PTPN22: variants seen among roughly 807,000 people sequenced by gnomAD.
The protein encoded by PTPN22 is protein tyrosine phosphatase non-receptor type 22.
A neutral mutation model predicts 103.3 loss-of-function variants in PTPN22; 85 were observed. The observed-to-expected ratio is 0.82, with a 90% confidence interval of 0.69 to 0.99. PTPN22 has a LOEUF of 0.99. PTPN22 is among the 50% of genes least tolerant of loss of function. The pLI is 0.00. For synonymous variants in PTPN22, 323 were observed against 310.2 expected (o/e 1.04, Z -0.43); for missense variants, 865 against 936.9 (o/e 0.92, Z 1.00).
At chr1:113,855,718 C>T (rs182161880) in intron 7 of PTPN22, among the ~76,000 whole-genome samples, 125 of 152,244 alleles carry the variant, frequency 8.2e-4, no homozygotes, top group Non-Finnish European at 1.5e-3. Flanking sequence ...GATTTCAGGT[C>T]ACTTACTATT....
chr1:113,854,853 C>A lies in PTPN22; in HGVS notation c.683+54G>T. On this transcript the variant is annotated intron_variant, in intron 8 of 20. Transcript: ENST00000359785. ...CCCCTTTCAATTACACAGTCCTGGC[C>A]AGACTCTGACATTTGGTTCATTTTG... is the stretch of plus-strand genomic sequence containing the variant. 1.9e-6 allele frequency: 3 copies of A among 1,569,234 alleles called. No homozygotes were observed. In the Admixed American group the frequency reaches 5.3e-5, roughly 27 times the overall value.
intron 13 of PTPN22, 36 bp from the exon 14 acceptor site, chr1:113,835,029 A>AAAGG (rs1662862975): frequency 2.4e-6 from 3 of 1,272,236 alleles, no homozygotes; most frequent in Non-Finnish European, 3.3e-6. Flanking sequence ...AACAATTGTT[A>AAAGG]ATTAGAACAA....
At position 113,837,607 on chromosome 1, in the gene PTPN22, T is replaced by C. The variant is rs770158305; in HGVS notation, c.1793A>G (p.Gln598Arg). 3.2e-6 allele frequency: 5 copies of C among 1,580,508 alleles called. No individual in the cohort carries two copies. In the African/African-American group the frequency reaches 6.8e-5, roughly 21 times the overall value. Residue 598 changes from glutamine to arginine, a missense_variant, in exon 13 of 21, where the codon CAG (glutamine) becomes CGG (arginine). Gln to Arg is a conservative substitution (Grantham distance 43, BLOSUM62 1). Transcript: ENST00000359785. Reference sequence around the variant, plus strand: ...TAACTTACCTAGTACAGCTGACTCCTGGTTCAATAGTGAGGAAATATTGGT... The same window carrying C: ...TAACTTACCTAGTACAGCTGACTCCCGGTTCAATAGTGAGGAAATATTGGT...
At chr1:113,831,846 A>G (rs2101932728) in intron 16 of PTPN22, among the ~76,000 whole-genome samples, 1 of 152,330 alleles carries the variant, frequency 6.6e-6, no homozygotes, top group Non-Finnish European at 1.5e-5. Flanking sequence ...CTATTTGAAT[A>G]TAAGCATTAA....
At chr1:113,819,945 A>AT (rs540583559) in intron 19 of PTPN22, 3 of 192,364 alleles carry the variant, frequency 1.6e-5, no homozygotes, top group Non-Finnish European at 2.1e-5. Flanking sequence ...ATGAATCAGC[A>AT]TTTTTTTGTT....
intron 10 of PTPN22, among the ~76,000 whole-genome samples, chr1:113,850,925 G>A (rs779729941): frequency 5.3e-5 from 8 of 152,082 alleles, no homozygotes; most frequent in African/African-American, 1.4e-4. Context: ...ATCAATACAC[G>A]TTTCATGAAT....
At position 113,839,247 on chromosome 1, in the gene PTPN22, A is replaced by G. The variant is rs528674156; in HGVS notation, c.916-627T>C. On this transcript the variant is annotated intron_variant, in intron 11 of 20. Transcript: ENST00000359785. The stretch of plus-strand genomic sequence containing the variant: ...TTCTTCCCCTGTCCAGCCATGCTCA[A>G]TCTTCTTCTTTTTTAAGAGACAGGG... Among the ~76,000 whole-genome samples, 470 of 152,102 alleles carry G rather than the reference A, an allele frequency of 3.1e-3. 5 individuals are homozygous for G. The highest frequency in any genetic ancestry group is 0.011 in the African/African-American group (442 of 41,488).
In PTPN22 at chr1:113,853,240, G is replaced by C. The variant is rs144897057; in HGVS notation, c.751-1136C>G. 1.7e-3 allele frequency among the ~76,000 whole-genome samples: 265 copies of C among 151,950 alleles called. 9 individuals are homozygous for C. The East Asian group carries it at 0.046, about 26-fold the overall frequency. Reference sequence around the variant, plus strand: ...GGCATGAGCCACTGCAACCAGCCAAGTTTGCTTGGTTTTGATTAGAATTGT... The same window carrying C: ...GGCATGAGCCACTGCAACCAGCCAACTTTGCTTGGTTTTGATTAGAATTGT... On this transcript the variant is annotated intron_variant, in intron 9 of 20. Coordinates refer to ENST00000359785, the Ensembl canonical transcript of PTPN22.
intron 7 of PTPN22, among the ~76,000 whole-genome samples, chr1:113,855,709 A>T (rs983724345): frequency 3.3e-5 from 5 of 152,104 alleles, no homozygotes; most frequent in Non-Finnish European, 7.4e-5. Flanking sequence ...ATTAAAAGTG[A>T]TTTCAGGTCA....
At position 113,843,099 on chromosome 1, in the gene PTPN22, CAA is replaced by C. The variant is rs71090738; in HGVS notation, c.916-4481_916-4480del. On this transcript the variant is annotated intron_variant, in intron 11 of 20. Transcript: ENST00000359785. ...TGGGCGACAGAGCGAGACTCCGTCT[CAA>C]AAAAAAAAAAAAAGAAAACTAAACA... 4.4e-4 allele frequency among the ~76,000 whole-genome samples: 21 copies of C among 47,894 alleles called. 2 individuals carry two copies. The South Asian group carries it at 5.8e-3, about 13-fold the overall frequency. The allele number at this position is 47,894 out of a possible 152,430, so 31.4% of individuals were successfully genotyped here.
intron 11 of PTPN22, among the ~76,000 whole-genome samples, chr1:113,842,724 G>A (rs1287151297): frequency 6.6e-6 from 1 of 152,020 alleles, no homozygotes; most frequent in Admixed American, 6.6e-5. Flanking sequence ...TGGCCAGGAT[G>A]TAGAGAAATT....
At chr1:113,866,127 G>A (rs1666096877) in intron 1 of PTPN22, among the ~76,000 whole-genome samples, 1 of 152,152 alleles carries the variant, frequency 6.6e-6, no homozygotes, top group Non-Finnish European at 1.5e-5. Context: ...TTCCTCAATG[G>A]AGCAAATGAG....
intron 1 of PTPN22, among the ~76,000 whole-genome samples, chr1:113,868,922 G>C (rs1398815170): frequency 6.6e-6 from 1 of 151,018 alleles, no homozygotes; most frequent in African/African-American, 2.5e-5. Context: ...TTTTTAAGCA[G>C]GGAAAAAATG....
chr1:113,847,026 C>T (rs542850727), intron 11 of PTPN22, among the ~76,000 whole-genome samples: 32 of 92,726 alleles, frequency 3.5e-4, no homozygotes, highest in African/African-American at 1.4e-3. Flanking sequence ...CCCTTAGTTC[C>T]CTGCAGCTCT....
intron 11 of PTPN22, among the ~76,000 whole-genome samples, chr1:113,844,123 T>A (rs1663840311): frequency 6.6e-6 from 1 of 152,194 alleles, no homozygotes; most frequent in African/African-American, 2.4e-5. Context: ...TAAAAAGGTT[T>A]GTCAATTTCA....
At chr1:113,866,959 C>T (rs1666173848) in intron 1 of PTPN22, among the ~76,000 whole-genome samples, 1 of 152,132 alleles carries the variant, frequency 6.6e-6, no homozygotes, top group Non-Finnish European at 1.5e-5. Flanking sequence ...GTTGCCCAGG[C>T]TTGTCTTGAA....
intron 1 of PTPN22, among the ~76,000 whole-genome samples, chr1:113,865,512 T>G (rs1666051666): frequency 6.6e-6 from 1 of 152,258 alleles, no homozygotes; most frequent in Non-Finnish European, 1.5e-5. Context: ...GCCTAGTACA[T>G]AGTAAGTAGG....
chr1:113,849,933 C>T (rs548261304), intron 10 of PTPN22, among the ~76,000 whole-genome samples: 40 of 151,898 alleles, frequency 2.6e-4, no homozygotes, highest in African/African-American at 9.2e-4. Context: ...TGGTGGCTCA[C>T]GCCTGTAATC....
intron 9 of PTPN22, 36 bp from the exon 10 acceptor site, chr1:113,852,140 T>C (rs1206100663): frequency 6.8e-7 from 1 of 1,470,906 alleles, no homozygotes; most frequent in South Asian, 1.2e-5. Context: ...CCTTTCAATA[T>C]TTTGTTAATA....
Sources: gnomAD v4.1 joint callset for allele counts (sites outside exome capture counted in the v4.1 genomes callset) on GRCh38, gnomAD v4.1.1 for gene constraint, MANE v1.5 for transcripts, NCBI Gene and HGNC (gene_info 2026-07-23, HGNC 2026-07-21) for gene names.